Variants in KLC1 observed in about 807,000 individuals in gnomAD.
KLC1 encodes the protein kinesin light chain 1.
KLC1 carries 30 observed loss-of-function variants against 84.2 expected under a neutral mutation model. The ratio of observed to expected loss-of-function variants is 0.36; its 90% CI spans 0.27 to 0.48. KLC1 has a LOEUF of 0.48. Ranked by LOEUF, KLC1 falls within the 20% of genes least tolerant of loss-of-function variation. The pLI is 0.99. For synonymous variants in KLC1, 289 were observed against 293.3 expected (o/e 0.99, Z 0.15); for missense variants, 499 against 805.4 (o/e 0.62, Z 4.60).
Position 103,699,480 on chromosome 14 carries a change from G to A in KLC1, c.1849-1175G>A, listed in dbSNP as rs545840795. 1.3e-5 allele frequency: 21 copies of A among 1,612,748 alleles called. No individual in the cohort carries two copies. In the African/African-American group the frequency reaches 1.5e-4, roughly 11 times the overall value. Reference sequence around the variant, plus strand: ...GAGGCCTGGCTGTCAAATTCACAGCGGAATGGGGCTGCCACCGAGTCGATG... The same window carrying A: ...GAGGCCTGGCTGTCAAATTCACAGCAGAATGGGGCTGCCACCGAGTCGATG... On this transcript the variant is annotated intron_variant, in intron 15 of 16. Coordinates refer to ENST00000334553, the MANE Select transcript of KLC1 (RefSeq NM_001394837.1).
intron 1 of KLC1, among the ~76,000 whole-genome samples, chr14:103,631,100 A>G (rs2076642954): frequency 6.9e-6 from 1 of 145,674 alleles, no homozygotes; most frequent in Non-Finnish European, 1.5e-5. Flanking sequence ...TTTTTTTTTG[A>G]GATGGAGTCT....
intron 1 of KLC1, among the ~76,000 whole-genome samples, chr14:103,631,873 A>T (rs773333849): frequency 6.6e-6 from 1 of 152,076 alleles, no homozygotes; most frequent in Non-Finnish European, 1.5e-5. Context: ...TGCTAGGGTT[A>T]CAGGTGTGAG....
chr14:103,687,235 C>G, intron 14 of KLC1, 24 bp downstream of exon 14: 1 of 1,520,174 alleles, frequency 6.6e-7, no homozygotes, highest in Non-Finnish European at 8.9e-7. Context: ...CCAGCTCTCC[C>G]GACTCCCTGC....
At chr14:103,684,409 C>G (rs982925301) in intron 13 of KLC1, among the ~76,000 whole-genome samples, 3 of 152,202 alleles carry the variant, frequency 2.0e-5, no homozygotes, top group African/African-American at 4.8e-5. Flanking sequence ...GTGAATCCTC[C>G]CAGGCCCTGA....
chr14:103,656,932 C>CA (rs1398559400), intron 2 of KLC1, among the ~76,000 whole-genome samples: 4 of 152,234 alleles, frequency 2.6e-5, no homozygotes, highest in African/African-American at 9.6e-5. Context: ...GCCACAGCCT[C>CA]ACGCTGGTCT....
intron 1 of KLC1, among the ~76,000 whole-genome samples, chr14:103,636,762 G>C (rs2077072574): frequency 6.6e-6 from 1 of 151,856 alleles, no homozygotes; most frequent in African/African-American, 2.4e-5. Context: ...CTCCTCTGTT[G>C]CCCAGGCTTG....
At position 103,693,852 on chromosome 14, in the gene KLC1, A is replaced by T; in HGVS notation, c.1848+1427A>T. 1 of 1,378,436 alleles carries T rather than the reference A, an allele frequency of 7.3e-7. No homozygotes were observed. The highest frequency in any genetic ancestry group is 9.4e-7 in the Non-Finnish European group (1 of 1,068,594). 85.4% of individuals were successfully genotyped at this position (1,378,436 alleles called of 1,614,324 possible). ...GAGCCACCCCGACCGCGACCCGGCC[A>T]GGCTGGCTCAGGGAGGCCGAGGTGG... On this transcript the variant is annotated intron_variant, in intron 15 of 16. Transcript: ENST00000334553. This position sits in a 1 kb window ranked among gnomAD's most constrained non-coding sequence, Gnocchi z 5.1.
chr14:103,672,893 A>T, intron 7 of KLC1, 121 bp from the exon 8 acceptor site: 1 of 846,176 alleles, frequency 1.2e-6, no homozygotes, highest in Non-Finnish European at 1.9e-6. Context: ...TAAGGATTTA[A>T]ATCTGAAAGT....
intron 1 of KLC1, among the ~76,000 whole-genome samples, chr14:103,642,665 G>T (rs1457024259): frequency 1.3e-5 from 2 of 152,072 alleles, no homozygotes; most frequent in Admixed American, 6.6e-5. Context: ...CAAAGGGATG[G>T]GAACATGAAG....
intron 1 of KLC1, among the ~76,000 whole-genome samples, chr14:103,646,685 G>T (rs1328204439): frequency 6.6e-6 from 1 of 151,830 alleles, no homozygotes; most frequent in Non-Finnish European, 1.5e-5. Flanking sequence ...ATGTTGCCCA[G>T]TCTGGTCTTG....
chr14:103,667,638 T>A (rs1384180659), intron 5 of KLC1, among the ~76,000 whole-genome samples: 1 of 152,216 alleles, frequency 6.6e-6, no homozygotes, highest in East Asian at 1.9e-4. Context: ...ACCTGGCCAC[T>A]ACTTTTTGGA....
At chr14:103,637,406 T>C (rs2077129194) in intron 1 of KLC1, among the ~76,000 whole-genome samples, 1 of 151,986 alleles carries the variant, frequency 6.6e-6, no homozygotes, top group East Asian at 1.9e-4. Flanking sequence ...GGTGTGCACC[T>C]GTAGTCCCAG....
chr14:103,682,969 G>C (rs2081491969), intron 13 of KLC1: 1 of 152,006 alleles, frequency 6.6e-6, no homozygotes. Flanking sequence ...CCTCCCTGTT[G>C]GGAAGTTACA....
At chr14:103,676,880 CAG>C (rs2080935542) in intron 11 of KLC1, among the ~76,000 whole-genome samples, 1 of 152,158 alleles carries the variant, frequency 6.6e-6, no homozygotes, top group East Asian at 1.9e-4. Context: ...AGAAAGAACA[CAG>C]AAACACAGCC....
intron 1 of KLC1, among the ~76,000 whole-genome samples, chr14:103,639,133 C>G (rs1034714414): frequency 9.2e-5 from 14 of 152,018 alleles, no homozygotes; most frequent in Non-Finnish European, 4.4e-5. Flanking sequence ...GAAAATGCTC[C>G]CAAAACTAAC....
At position 103,657,726 on chromosome 14, in the gene KLC1, C is replaced by T. The variant is rs1255313194; in HGVS notation, c.442C>T (p.Leu148=). 1.2e-6 allele frequency: 2 copies of T among 1,614,152 alleles called. No homozygotes were observed. Among genetic ancestry groups the T allele is most frequent in the Non-Finnish European group, 1.7e-6 (2 of 1,180,014 alleles). ...TCAACTGGAGGAGGAGAAGAAGCATCTGGAGTTTATGAATCAGCTAAAAAA... is the reference window on the plus strand; with the variant it reads ...TCAACTGGAGGAGGAGAAGAAGCATTTGGAGTTTATGAATCAGCTAAAAAA... ...VAQLEEEKKH[L]EFMNQLKKYD... The change falls in exon 3 of 17, where the codon CTG becomes TTG. Residue 148 remains leucine (L), a synonymous_variant. Transcript: ENST00000334553.
intron 1 of KLC1, among the ~76,000 whole-genome samples, chr14:103,650,345 C>T (rs1420799379): frequency 6.6e-6 from 1 of 152,114 alleles, no homozygotes; most frequent in Admixed American, 6.6e-5. Context: ...CTGCTTCATT[C>T]ATTCATTGCA....
intron 1 of KLC1, among the ~76,000 whole-genome samples, chr14:103,642,625 A>G (rs1245341879): frequency 1.3e-5 from 2 of 152,144 alleles, no homozygotes; most frequent in Non-Finnish European, 2.9e-5. Flanking sequence ...AGCTTCTTCT[A>G]GTGTTTGAAT....
chr14:103,685,971 G>T (rs1164438553), intron 13 of KLC1: 1 of 1,117,688 alleles, frequency 8.9e-7, no homozygotes, highest in East Asian at 7.2e-5. Flanking sequence ...ACAAGGTGTT[G>T]TTGCAATGGC....
Sources: gnomAD v4.1 joint callset for allele counts (sites outside exome capture counted in the v4.1 genomes callset) on GRCh38, gnomAD v4.1.1 for gene constraint, Gnocchi (gnomAD v3.1) non-coding constraint, MANE v1.5 for transcripts, NCBI Gene and HGNC (gene_info 2026-07-23, HGNC 2026-07-21) for gene names.